The following RABGAP1L variants were observed in gnomAD, a reference collection of about 807,000 sequenced individuals.
RABGAP1L encodes the protein RAB GTPase activating protein 1 like.
Under a neutral mutation model 137.7 loss-of-function variants are expected in RABGAP1L, and 63 were observed. The ratio of observed to expected loss-of-function variants is 0.46; its 90% CI spans 0.37 to 0.56. The LOEUF is 0.56. RABGAP1L is among the 20% of genes least tolerant of loss of function. The pLI is 0.00. For missense variants in RABGAP1L, 1,095 were observed against 1,244.0 expected, an observed-to-expected ratio of 0.88 and a Z score of 1.80; for synonymous variants, 431 against 433.7, an observed-to-expected ratio of 0.99 and a Z score of 0.08.
intron 13 of RABGAP1L, among the ~76,000 whole-genome samples, chr1:174,428,815 A>G (rs985921272): frequency 1.3e-5 from 2 of 152,220 alleles, no homozygotes; most frequent in African/African-American, 4.8e-5. Context: ...ATTAAATGCA[A>G]ACTATACTCT....
chr1:174,674,101 A>C (rs1399716443), intron 14 of RABGAP1L, among the ~76,000 whole-genome samples: 1 of 139,924 alleles, frequency 7.1e-6, no homozygotes, highest in South Asian at 2.3e-4. Flanking sequence ...TAAAATTATT[A>C]TTATACTTTA....
intron 1 of RABGAP1L, among the ~76,000 whole-genome samples, chr1:174,173,049 C>T (rs1665539504): frequency 6.6e-6 from 1 of 151,796 alleles, no homozygotes; most frequent in African/African-American, 2.4e-5. Context: ...ATGTCAGTTG[C>T]ACTTAGATTG....
At chr1:174,385,971 G>C (rs567204779) in intron 12 of RABGAP1L, among the ~76,000 whole-genome samples, 1 of 152,292 alleles carries the variant, frequency 6.6e-6, no homozygotes, top group South Asian at 2.1e-4. Flanking sequence ...TTATTAAAAT[G>C]GGCAATATAG....
intron 1 of RABGAP1L, among the ~76,000 whole-genome samples, chr1:174,185,224 C>A (rs961456765): frequency 2.0e-5 from 3 of 152,126 alleles, no homozygotes; most frequent in Non-Finnish European, 2.9e-5. Context: ...TCTTTTAGAT[C>A]TATTAGGTTG....
chr1:174,944,846 G>A (rs1035956202), intron 19 of RABGAP1L, among the ~76,000 whole-genome samples: 3 of 152,096 alleles, frequency 2.0e-5, no homozygotes, highest in Admixed American at 2.0e-4. Context: ...TACTCAGGTT[G>A]TCTTATACAT....
chr1:174,181,968 G>T (rs964706659), intron 1 of RABGAP1L, among the ~76,000 whole-genome samples: 2 of 152,186 alleles, frequency 1.3e-5, no homozygotes, highest in African/African-American at 4.8e-5. Context: ...AAATGAGGGA[G>T]AAATATAAAT....
At chr1:174,340,000 T>A (rs1405133222) in intron 11 of RABGAP1L, among the ~76,000 whole-genome samples, 2 of 152,170 alleles carry the variant, frequency 1.3e-5, no homozygotes, top group African/African-American at 4.8e-5. Context: ...TAGAAAAGAG[T>A]TAATAAGTTT....
chr1:174,644,622 A>AT (rs746968264), intron 14 of RABGAP1L, among the ~76,000 whole-genome samples: 18 of 151,970 alleles, frequency 1.2e-4, no homozygotes, highest in African/African-American at 2.7e-4. Flanking sequence ...CTGAATTATG[A>AT]TTTTTTTTCA....
chr1:174,811,927 A>C lies in RABGAP1L; in HGVS notation c.2307A>C (p.Ala769=), dbSNP rs760165156. The C allele has an allele frequency of 1.9e-5, 30 of 1,606,746 alleles. No homozygotes were observed. In the South Asian group the frequency reaches 3.2e-4, roughly 17 times the overall value. Reference sequence around the variant, plus strand: ...AGAGATACAGGGCAGAGGAAAATGCAAGAAGACTGATGGAGCAGGCTTGCA... The same window carrying C: ...AGAGATACAGGGCAGAGGAAAATGCCAGAAGACTGATGGAGCAGGCTTGCA... ...LPKRYRAEEN[A]RRLMEQACNI... is the part of the protein sequence containing the mutation. The change falls in exon 19 of 26, where the codon GCA becomes GCC. Residue 769 remains alanine, a synonymous_variant. Coordinates refer to ENST00000681986, the MANE Select transcript of RABGAP1L (RefSeq NM_001366446.1).
intron 1 of RABGAP1L, among the ~76,000 whole-genome samples, chr1:174,199,398 T>C (rs1351696734): frequency 6.6e-6 from 1 of 152,074 alleles, no homozygotes; most frequent in African/African-American, 2.4e-5. Context: ...TTCAAGCAAT[T>C]CTCCTGCCTG....
At chr1:174,626,684 A>C (rs1672963374) in intron 13 of RABGAP1L, among the ~76,000 whole-genome samples, 1 of 152,214 alleles carries the variant, frequency 6.6e-6, no homozygotes, top group African/African-American at 2.4e-5. Flanking sequence ...TTCAAGGAAC[A>C]AAGGCTGGCA....
intron 18 of RABGAP1L, among the ~76,000 whole-genome samples, chr1:174,775,532 C>T (rs1344188446): frequency 6.6e-6 from 1 of 151,992 alleles, no homozygotes; most frequent in South Asian, 2.1e-4. Flanking sequence ...AGGCTGGTCT[C>T]GAACTCCCGA....
intron 12 of RABGAP1L, among the ~76,000 whole-genome samples, chr1:174,385,875 A>G (rs999892175): frequency 1.3e-5 from 2 of 152,262 alleles, no homozygotes; most frequent in Non-Finnish European, 2.9e-5. Context: ...ATCAGCAGAT[A>G]TAGATAGCTC....
At chr1:174,905,875 AG>A (rs1658987308) in intron 19 of RABGAP1L, among the ~76,000 whole-genome samples, 1 of 152,146 alleles carries the variant, frequency 6.6e-6, no homozygotes, top group Non-Finnish European at 1.5e-5. Context: ...AAAAGAAAAA[AG>A]AAAATACATG....
At chr1:174,619,247 C>G (rs954153589) in intron 13 of RABGAP1L, among the ~76,000 whole-genome samples, 3 of 152,148 alleles carry the variant, frequency 2.0e-5, no homozygotes, top group Admixed American at 6.5e-5. Context: ...CTTCCCCAAT[C>G]TAGCAAGGCA....
intron 13 of RABGAP1L, among the ~76,000 whole-genome samples, chr1:174,611,847 G>A (rs1309129535): frequency 6.6e-6 from 1 of 152,006 alleles, no homozygotes; most frequent in Non-Finnish European, 1.5e-5. Context: ...TCATGATTTG[G>A]CTCTCTGTTT....
chr1:174,713,844 A>G (rs774132181), intron 17 of RABGAP1L, among the ~76,000 whole-genome samples: 46 of 152,242 alleles, frequency 3.0e-4, no homozygotes, highest in Non-Finnish European at 5.9e-4. Context: ...TCTCCAAGTC[A>G]GCATTATCTC....
chr1:174,764,910 C>T (rs1338970798), intron 18 of RABGAP1L, among the ~76,000 whole-genome samples: 1 of 152,250 alleles, frequency 6.6e-6, no homozygotes, highest in African/African-American at 2.4e-5. Context: ...CCCACAGCCC[C>T]TGATTGTTCA....
At chr1:174,597,053 C>T (rs143604811) in intron 13 of RABGAP1L, among the ~76,000 whole-genome samples, 73 of 152,206 alleles carry the variant, frequency 4.8e-4, no homozygotes, top group African/African-American at 1.8e-3. Flanking sequence ...TCCTTACATC[C>T]TGGGGATAAA....
Sources: gnomAD v4.1 joint callset for allele counts (sites outside exome capture counted in the v4.1 genomes callset) on GRCh38, gnomAD v4.1.1 for gene constraint, MANE v1.5 for transcripts, NCBI Gene and HGNC (gene_info 2026-07-23, HGNC 2026-07-21) for gene names.